PRMT3: variants seen among roughly 807,000 people sequenced by gnomAD.
The protein encoded by PRMT3 is protein arginine methyltransferase 3, also known as protein arginine N-methyltransferase 3.
In PRMT3, 62 loss-of-function variants were observed where a neutral mutation model predicts 71.9. The ratio of observed to expected loss-of-function variants is 0.86; its 90% CI spans 0.70 to 1.07. The LOEUF is 1.07. Among genes scored for constraint, PRMT3 ranks in the 50% least tolerant of loss-of-function variants. The pLI, the probability that PRMT3 is intolerant of heterozygous loss-of-function variation, is 0.00. For missense variants in PRMT3, 663 were observed against 643.0 expected, an observed-to-expected ratio of 1.03 and a Z score of -0.34; for synonymous variants, 213 against 220.4, an observed-to-expected ratio of 0.97 and a Z score of 0.30.
At chr11:20,479,554 TG>T (rs1467389556) in intron 13 of PRMT3, among the ~76,000 whole-genome samples, 1 of 152,162 alleles carries the variant, frequency 6.6e-6, no homozygotes, top group Non-Finnish European at 1.5e-5. Context: ...AAACTGAATT[TG>T]GAGGGAAGAA....
chr11:20,500,260 AAACTT>A (rs532733573), intron 15 of PRMT3, among the ~76,000 whole-genome samples: 148 of 152,340 alleles, frequency 9.7e-4, no homozygotes, highest in African/African-American at 3.1e-3. Context: ...AAATTAAAGA[AAACTT>A]AAATAATGGA....
chr11:20,427,400 A>G (rs1327223822), intron 10 of PRMT3, among the ~76,000 whole-genome samples: 1 of 152,202 alleles, frequency 6.6e-6, no homozygotes, highest in Non-Finnish European at 1.5e-5. Flanking sequence ...TTTTGTCAAG[A>G]CAGAATGTTT....
chr11:20,495,413 G>C (rs1851310005), intron 15 of PRMT3, among the ~76,000 whole-genome samples: 1 of 151,696 alleles, frequency 6.6e-6, no homozygotes. Flanking sequence ...TGTAGTCTTA[G>C]CTGCTTGGAG....
intron 10 of PRMT3, among the ~76,000 whole-genome samples, chr11:20,451,677 A>G (rs956663166): frequency 6.6e-6 from 1 of 152,066 alleles, no homozygotes; most frequent in African/African-American, 2.4e-5. Flanking sequence ...TACACAGTAG[A>G]TGCCAGTAGC....
chr11:20,390,939 A>G (rs1363420277), intron 3 of PRMT3, among the ~76,000 whole-genome samples: 1 of 152,080 alleles, frequency 6.6e-6, no homozygotes, highest in East Asian at 1.9e-4. Flanking sequence ...AGTCCCAGCT[A>G]CTTGGGAGGC....
chr11:20,463,338 G>A (rs942036184), intron 12 of PRMT3, among the ~76,000 whole-genome samples: 3 of 152,152 alleles, frequency 2.0e-5, no homozygotes, highest in Non-Finnish European at 2.9e-5. Context: ...ATGGTTATAC[G>A]ACTTCAGTGC....
Position 20,407,973 on chromosome 11 carries a change from G to A in PRMT3, c.834G>A (p.Ala278=), listed in dbSNP as rs144727080. Residue 278 remains alanine (A), a synonymous_variant, in exon 9 of 16, where the codon GCG becomes GCA. Transcript: ENST00000331079. The part of the protein sequence containing the change: ...ILSMFAAKAG[A]KKVLGVDQSE... The stretch of plus-strand genomic sequence containing the variant: ...CTATGTTTGCTGCTAAAGCTGGGGC[G>A]AAGAAGGTTCTTGGAGTTGATCAAT... The A allele has an allele frequency of 9.6e-5, 154 of 1,606,092 alleles. No individual in the cohort carries two copies. The highest frequency in any genetic ancestry group is 3.5e-4 in the African/African-American group (26 of 74,684).
chr11:20,479,158 G>A (rs1451569751), intron 13 of PRMT3, among the ~76,000 whole-genome samples: 1 of 152,176 alleles, frequency 6.6e-6, no homozygotes, highest in Non-Finnish European at 1.5e-5. Flanking sequence ...CCTTGTGAAT[G>A]ACCATGTGGT....
chr11:20,480,907 T>C (rs922574648), intron 13 of PRMT3, among the ~76,000 whole-genome samples: 7 of 152,146 alleles, frequency 4.6e-5, no homozygotes, highest in Non-Finnish European at 8.8e-5. Flanking sequence ...TATTAGTACG[T>C]TGAATTTCAT....
At position 20,502,079 on chromosome 11, in the gene PRMT3, A is replaced by G. The variant is rs11822674; in HGVS notation, c.1487-6225A>G. ...CACTGTAACAATTAAAATGAAGTCA[A>G]TTTTGTTCTTGAACTACGGCACTGC... On this transcript the variant is annotated intron_variant, in intron 15 of 15. Transcript: ENST00000331079. Among the ~76,000 whole-genome samples, 1,078 of 152,272 alleles carry G rather than the reference A, an allele frequency of 7.1e-3. 15 individuals carry two copies. The highest frequency in any genetic ancestry group is 0.025 in the African/African-American group (1,021 of 41,564).
intron 10 of PRMT3, among the ~76,000 whole-genome samples, chr11:20,438,486 G>C (rs1849812548): frequency 6.6e-6 from 1 of 152,076 alleles, no homozygotes; most frequent in Non-Finnish European, 1.5e-5. Context: ...CTGCAACTCG[G>C]ACTCGTGGGG....
chr11:20,406,696 C>T (rs1216927035), intron 8 of PRMT3: 1 of 152,100 alleles, frequency 6.6e-6, no homozygotes, highest in African/African-American at 2.4e-5. Flanking sequence ...ATGGTAATTC[C>T]ATTTTTAATT....
chr11:20,462,580 C>T (rs1304358417), intron 12 of PRMT3, among the ~76,000 whole-genome samples: 1 of 152,168 alleles, frequency 6.6e-6, no homozygotes, highest in Non-Finnish European at 1.5e-5. Context: ...ATTCAGATTT[C>T]TTCCAGCGTT....
rs139561739 is a variant in PRMT3 at position 20,420,272 on chromosome 11, C to T, written c.894-6494C>T. ...GAGAAAATCAGAAAAATCTATTGAG[C>T]GTCTCAAGAGATGCAGTATAAAAGT... On this transcript the variant is annotated intron_variant, in intron 9 of 15. Transcript: ENST00000331079. Among the ~76,000 whole-genome samples, 337 of 152,274 alleles carry T rather than the reference C, an allele frequency of 2.2e-3. 1 individual carries two copies. The highest frequency in any genetic ancestry group is 2.8e-3 in the Non-Finnish European group (191 of 68,006).
intron 13 of PRMT3, among the ~76,000 whole-genome samples, chr11:20,475,668 T>G (rs1344681947): frequency 6.6e-6 from 1 of 150,506 alleles, no homozygotes; most frequent in African/African-American, 2.5e-5. Flanking sequence ...TTTTTTTTTT[T>G]TTTGAGACAG....
chr11:20,463,955 C>T (rs1352598415), intron 12 of PRMT3, among the ~76,000 whole-genome samples: 2 of 152,162 alleles, frequency 1.3e-5, no homozygotes, highest in Admixed American at 6.5e-5. Flanking sequence ...TCATATCTAA[C>T]AAAACTTATC....
At chr11:20,488,569 T>A (rs1360258987) in intron 13 of PRMT3, among the ~76,000 whole-genome samples, 3 of 152,204 alleles carry the variant, frequency 2.0e-5, no homozygotes, top group African/African-American at 7.2e-5. Context: ...TGTGGCCAGC[T>A]GCCTAATTGT....
intron 2 of PRMT3, among the ~76,000 whole-genome samples, chr11:20,388,670 C>T (rs888514450): frequency 1.8e-4 from 27 of 152,168 alleles, no homozygotes; most frequent in African/African-American, 6.3e-4. Flanking sequence ...TTTATTTGAG[C>T]GGTTTCCATA....
chr11:20,479,085 A>G (rs1212552613), intron 13 of PRMT3, among the ~76,000 whole-genome samples: 3 of 152,170 alleles, frequency 2.0e-5, no homozygotes, highest in Non-Finnish European at 4.4e-5. Flanking sequence ...AGTAAATTTT[A>G]TGTCTTGGGG....
Sources: gnomAD v4.1 joint callset for allele counts (sites outside exome capture counted in the v4.1 genomes callset) on GRCh38, gnomAD v4.1.1 for gene constraint, MANE v1.5 for transcripts, NCBI Gene and HGNC (gene_info 2026-07-23, HGNC 2026-07-21) for gene names.